Variants in ARID1B observed in about 807,000 individuals in gnomAD.
The protein encoded by ARID1B is AT-rich interactive domain-containing protein 1B.
ARID1B carries 30 observed loss-of-function variants against 212.3 expected under a neutral mutation model. The observed-to-expected ratio is 0.14, with a 90% CI of 0.11 to 0.19. The LOEUF is 0.19. Ranked by LOEUF, ARID1B falls within the 10% of genes least tolerant of loss-of-function variation. ARID1B has a pLI of 1.00. For missense variants in ARID1B, 2,891 were observed against 3,204.0 expected (o/e 0.90, Z 2.36); for synonymous variants, 1,402 against 1,301.7 (o/e 1.08, Z -1.66).
chr6:156,845,597 C>T (rs1784180698), intron 2 of ARID1B, among the ~76,000 whole-genome samples: 5 of 152,038 alleles, frequency 3.3e-5, no homozygotes, highest in Admixed American at 3.3e-4. Context: ...TTGAGAAGTC[C>T]AGGGCCCCTT....
At chr6:157,018,480 C>A (rs1056530258) in intron 4 of ARID1B, among the ~76,000 whole-genome samples, 1 of 152,162 alleles carries the variant, frequency 6.6e-6, no homozygotes, top group Non-Finnish European at 1.5e-5. Context: ...TCCAAAAGTG[C>A]TGGGATTACA....
chr6:156,838,261 T>C (rs1049349547), intron 2 of ARID1B, among the ~76,000 whole-genome samples: 5 of 152,236 alleles, frequency 3.3e-5, no homozygotes, highest in South Asian at 2.1e-4. Context: ...GTCAGACTAA[T>C]GTTAATAGCA....
At chr6:156,897,807 C>A (rs1346627234) in intron 2 of ARID1B, among the ~76,000 whole-genome samples, 1 of 152,106 alleles carries the variant, frequency 6.6e-6, no homozygotes, top group Non-Finnish European at 1.5e-5. Flanking sequence ...TGAAGCTGAA[C>A]ACGTGTGTCA....
intron 4 of ARID1B, among the ~76,000 whole-genome samples, chr6:157,058,044 T>C (rs980721222): frequency 6.6e-6 from 1 of 152,192 alleles, no homozygotes; most frequent in Non-Finnish European, 1.5e-5. Context: ...ACTGTAGTAC[T>C]TAAGGAAAGC....
intron 4 of ARID1B, among the ~76,000 whole-genome samples, chr6:157,004,522 G>A (rs1583123628): frequency 6.6e-6 from 1 of 152,186 alleles, no homozygotes; most frequent in Non-Finnish European, 1.5e-5. Context: ...GCCATGGAAG[G>A]AGATTAAATA....
chr6:156,779,559 C>T (rs1454257992), intron 1 of ARID1B, 88 bp downstream of exon 1: 2 of 1,154,304 alleles, frequency 1.7e-6, no homozygotes, highest in South Asian at 3.7e-5. Context: ...CGTACTTTTC[C>T]CCGTCTTCCC....
At chr6:157,064,504 G>A (rs952241034) in intron 4 of ARID1B, among the ~76,000 whole-genome samples, 9 of 132,896 alleles carry the variant, frequency 6.8e-5, no homozygotes, top group Non-Finnish European at 1.3e-4. Flanking sequence ...CCAGTGAACA[G>A]TGAAGACTTG....
At chr6:156,817,202 C>A (rs913745853) in intron 1 of ARID1B, among the ~76,000 whole-genome samples, 1 of 150,836 alleles carries the variant, frequency 6.6e-6, no homozygotes, top group Non-Finnish European at 1.5e-5. Context: ...TGGGCAAAAC[C>A]CTGTCTCTAC....
At chr6:157,142,898 GTGAT>G (rs1309860160) in intron 7 of ARID1B, among the ~76,000 whole-genome samples, 1 of 152,204 alleles carries the variant, frequency 6.6e-6, no homozygotes, top group Admixed American at 6.5e-5. Flanking sequence ...TAACTGTTGA[GTGAT>G]TGGAACTTAG....
At chr6:156,828,675 A>T (rs981566952) in intron 1 of ARID1B, among the ~76,000 whole-genome samples, 2 of 152,188 alleles carry the variant, frequency 1.3e-5, no homozygotes, top group Non-Finnish European at 1.5e-5. Context: ...ATCCCTACAC[A>T]CTGCTGGTCT....
chr6:157,173,259 C>T (rs2128302433), intron 9 of ARID1B: 1 of 152,250 alleles, frequency 6.6e-6, no homozygotes, highest in East Asian at 1.9e-4. Flanking sequence ...GATGCTAAAG[C>T]CTAAATAGAA....
At chr6:157,055,134 G>T (rs1782867233) in intron 4 of ARID1B, among the ~76,000 whole-genome samples, 1 of 152,230 alleles carries the variant, frequency 6.6e-6, no homozygotes, top group South Asian at 2.1e-4. Flanking sequence ...GGAGCTTAGT[G>T]CCTGCTGTGT....
At chr6:157,007,877 C>T (rs921245796) in intron 4 of ARID1B, among the ~76,000 whole-genome samples, 2 of 151,950 alleles carry the variant, frequency 1.3e-5, no homozygotes, top group Non-Finnish European at 2.9e-5. Context: ...GGGGTTTCAC[C>T]GTGTTAGCCA....
chr6:156,901,904 G>A (rs1438071492), intron 3 of ARID1B: 1 of 215,968 alleles, frequency 4.6e-6, no homozygotes, highest in Non-Finnish European at 9.2e-6. Context: ...CACGTGCATG[G>A]TATTTTTATC....
At chr6:156,985,930 G>A (rs1777889863) in intron 4 of ARID1B, among the ~76,000 whole-genome samples, 1 of 152,220 alleles carries the variant, frequency 6.6e-6, no homozygotes, top group African/African-American at 2.4e-5. Context: ...AGCTGAAGCA[G>A]AACCTTTACT....
intron 4 of ARID1B, among the ~76,000 whole-genome samples, chr6:156,964,076 C>T (rs1309745383): frequency 3.3e-5 from 5 of 152,242 alleles, no homozygotes; most frequent in African/African-American, 1.2e-4. Context: ...GATTCTGCCC[C>T]TTGGCCTGCA....
intron 4 of ARID1B, among the ~76,000 whole-genome samples, chr6:157,064,024 A>G (rs920772021): frequency 2.6e-5 from 4 of 152,224 alleles, no homozygotes; most frequent in Non-Finnish European, 5.9e-5. Context: ...GGGTGGTTAA[A>G]TAATTGGAAG....
intron 9 of ARID1B, chr6:157,173,662 C>T (rs1228165491): frequency 5.9e-6 from 1 of 169,402 alleles, no homozygotes; most frequent in Non-Finnish European, 1.3e-5. Context: ...GCCTCCAACT[C>T]CTGATTAGTA....
At chr6:156,823,155 G>A (rs922702966) in intron 1 of ARID1B, among the ~76,000 whole-genome samples, 2 of 151,948 alleles carry the variant, frequency 1.3e-5, no homozygotes, top group African/African-American at 4.8e-5. Flanking sequence ...TGTGTAGTCC[G>A]CTGTGTTGGT....
Sources: allele counts gnomAD v4.1 joint callset (sites outside exome capture counted in the v4.1 genomes callset), GRCh38; gene constraint gnomAD v4.1.1; transcripts MANE v1.5; gene names NCBI Gene and HGNC (gene_info 2026-07-23, HGNC 2026-07-21).